The following SKAP1 variants were observed in gnomAD, a reference collection of about 807,000 sequenced individuals.
SKAP1 encodes the protein src kinase-associated phosphoprotein 1.
A neutral mutation model predicts 58.5 loss-of-function variants in SKAP1; 44 were observed. That is an observed-to-expected ratio of 0.75 (90% CI 0.59 to 0.97). The LOEUF is 0.97. Among genes scored for constraint, SKAP1 ranks in the 50% least tolerant of loss-of-function variants. The probability of loss-of-function intolerance (pLI) is 0.00; values close to 1 mark genes in which losing one functional copy is unlikely to be tolerated. For missense variants in SKAP1, 390 were observed against 435.2 expected (o/e 0.90, Z 0.92); for synonymous variants, 127 against 149.7 (o/e 0.85, Z 1.11).
intron 1 of SKAP1, among the ~76,000 whole-genome samples, chr17:48,428,027 G>T (rs368772392): frequency 6.6e-6 from 1 of 152,142 alleles, no homozygotes; most frequent in African/African-American, 2.4e-5. Flanking sequence ...CTACACCAGC[G>T]ACTGTGTTCC....
intron 3 of SKAP1, among the ~76,000 whole-genome samples, chr17:48,360,896 C>T (rs903175155): frequency 2.0e-5 from 3 of 151,978 alleles, no homozygotes; most frequent in Admixed American, 6.6e-5. Flanking sequence ...TCGATGCTTA[C>T]ACACATTACT....
intron 1 of SKAP1, among the ~76,000 whole-genome samples, chr17:48,421,652 G>C (rs2067795295): frequency 1.3e-5 from 2 of 152,084 alleles, no homozygotes; most frequent in African/African-American, 4.8e-5. Flanking sequence ...TATCTTTCCT[G>C]ATATGCTCAG....
chr17:48,259,060 T>C (rs892414704), intron 4 of SKAP1, among the ~76,000 whole-genome samples: 2 of 152,052 alleles, frequency 1.3e-5, no homozygotes, highest in African/African-American at 4.8e-5. Flanking sequence ...GATGTTTGGG[T>C]AACAATTAAA....
At chr17:48,201,265 TTTCC>T (rs916156585) in intron 4 of SKAP1, among the ~76,000 whole-genome samples, 17 of 151,800 alleles carry the variant, frequency 1.1e-4, no homozygotes, top group Admixed American at 4.6e-4. Flanking sequence ...TCTCTCTCTT[TTTCC>T]TTCCTTCCTT....
intron 4 of SKAP1, among the ~76,000 whole-genome samples, chr17:48,243,658 C>A (rs560724568): frequency 6.6e-6 from 1 of 151,964 alleles, no homozygotes; most frequent in African/African-American, 2.4e-5. Context: ...CTGGAGGAAG[C>A]GCAAATAAAA....
At chr17:48,192,598 C>T (rs987746441) in intron 4 of SKAP1, among the ~76,000 whole-genome samples, 4 of 152,142 alleles carry the variant, frequency 2.6e-5, no homozygotes, top group African/African-American at 9.7e-5. Flanking sequence ...GATGTTAAGA[C>T]TCCAGGCCCC....
intron 4 of SKAP1, among the ~76,000 whole-genome samples, chr17:48,224,038 A>AGAAGAATGAGG (rs1372629777): frequency 1.9e-5 from 1 of 52,404 alleles, no homozygotes; most frequent in Admixed American, 2.4e-4. Context: ...GAGAGAGAAG[A>AGAAGAATGAGG]AGGAGGAGGA....
intron 4 of SKAP1, among the ~76,000 whole-genome samples, chr17:48,215,015 G>A (rs987018566): frequency 2.9e-4 from 43 of 149,626 alleles, no homozygotes; most frequent in African/African-American, 1.0e-3. Flanking sequence ...CGAACTCCTG[G>A]GTTCAAGCAA....
At chr17:48,189,536 C>G in intron 4 of SKAP1, 36 bp from the exon 5 acceptor site, 2 of 1,541,548 alleles carry the variant, frequency 1.3e-6, no homozygotes, top group South Asian at 2.3e-5. Context: ...TTATTGAAAC[C>G]TGGCAAAATT....
chr17:48,146,342 A>C (rs1453379077), intron 11 of SKAP1, among the ~76,000 whole-genome samples: 2 of 151,824 alleles, frequency 1.3e-5, no homozygotes, highest in Non-Finnish European at 2.9e-5. Context: ...AATACAAAAA[A>C]ATTAGCTGGG....
chr17:48,278,479 G>C (rs1428459287), intron 4 of SKAP1, among the ~76,000 whole-genome samples: 1 of 152,164 alleles, frequency 6.6e-6, no homozygotes, highest in Non-Finnish European at 1.5e-5. Flanking sequence ...AACGAGAGTG[G>C]AGAAAAGGAT....
rs112202519 is a variant in SKAP1, at chr17:48,383,567, G to A, written c.152+13113C>T. Reference sequence around the variant, plus strand: ...ATTTAAGCACAGAGTAAAACACTTCGGAAGACAGCTGTTTATTTGCACAGA... The same window carrying A: ...ATTTAAGCACAGAGTAAAACACTTCAGAAGACAGCTGTTTATTTGCACAGA... On this transcript the variant is annotated intron_variant, in intron 2 of 12. Transcript: ENST00000336915. Among the ~76,000 whole-genome samples the A allele has an allele frequency of 4.1e-3, 631 of 152,066 alleles. 8 individuals are homozygous for A. Among genetic ancestry groups the A allele is most frequent in the African/African-American group, 0.014 (595 of 41,470 alleles).
At chr17:48,227,530 A>C (rs1161015017) in intron 4 of SKAP1, among the ~76,000 whole-genome samples, 2 of 152,244 alleles carry the variant, frequency 1.3e-5, no homozygotes, top group Admixed American at 6.5e-5. Flanking sequence ...ATTAATGCCA[A>C]TTGAGCACTA....
intron 9 of SKAP1, among the ~76,000 whole-genome samples, chr17:48,172,684 G>A (rs148496448): frequency 6.6e-6 from 1 of 152,002 alleles, no homozygotes; most frequent in East Asian, 1.9e-4. Flanking sequence ...TGCTTGTCTT[G>A]CTTCTCCATA....
At chr17:48,417,806 G>T (rs1405331096) in intron 1 of SKAP1, among the ~76,000 whole-genome samples, 1 of 150,304 alleles carries the variant, frequency 6.7e-6, no homozygotes, top group Non-Finnish European at 1.5e-5. Flanking sequence ...CACAGATAAA[G>T]ATGTTTTCTA....
At chr17:48,281,383 C>T (rs1361610922) in intron 4 of SKAP1, among the ~76,000 whole-genome samples, 5 of 152,146 alleles carry the variant, frequency 3.3e-5, no homozygotes, top group African/African-American at 1.2e-4. Flanking sequence ...CCATGAAGCT[C>T]TTTGTCATTG....
chr17:48,223,282 T>C (rs1179312521), intron 4 of SKAP1, among the ~76,000 whole-genome samples: 1 of 152,156 alleles, frequency 6.6e-6, no homozygotes. Context: ...AACAAAGATC[T>C]ATGTAAGATA....
chr17:48,205,023 CTTTCTTTCTT>C (rs1567819982), intron 4 of SKAP1, among the ~76,000 whole-genome samples: 14 of 54,232 alleles, frequency 2.6e-4, no homozygotes, highest in African/African-American at 8.7e-4. Flanking sequence ...CTTTTTCTTT[CTTTCTTTCTT>C]TCTTTCTCTC....
At chr17:48,246,380 C>A (rs1379537685) in intron 4 of SKAP1, among the ~76,000 whole-genome samples, 19 of 152,198 alleles carry the variant, frequency 1.2e-4, no homozygotes, top group Non-Finnish European at 2.6e-4. Flanking sequence ...CACACCTACA[C>A]CTTTGTGGGT....
Sources: gnomAD v4.1 joint callset for allele counts (sites outside exome capture counted in the v4.1 genomes callset) on GRCh38, gnomAD v4.1.1 for gene constraint, MANE v1.5 for transcripts, NCBI Gene and HGNC (gene_info 2026-07-23, HGNC 2026-07-21) for gene names.